Variants in ERBB4 observed in about 807,000 individuals in gnomAD.
ERBB4 encodes the protein receptor tyrosine-protein kinase erbB-4.
ERBB4 carries 42 observed loss-of-function variants against 158.0 expected under a neutral mutation model. That is an observed-to-expected ratio of 0.27 (90% CI 0.21 to 0.34). ERBB4 has a LOEUF of 0.34. ERBB4 is among the 10% of genes least tolerant of loss of function. ERBB4 has a pLI of 1.00. For missense variants in ERBB4, 1,333 were observed against 1,624.1 expected, an observed-to-expected ratio of 0.82 and a Z score of 3.08; for synonymous variants, 583 against 558.7, an observed-to-expected ratio of 1.04 and a Z score of -0.61.
chr2:211,505,117 A>G (rs769168760), intron 20 of ERBB4, among the ~76,000 whole-genome samples: 5 of 152,088 alleles, frequency 3.3e-5, no homozygotes, highest in Non-Finnish European at 7.4e-5. Flanking sequence ...GGAAGATACT[A>G]TATAAGATGA....
In ERBB4 at chr2:212,124,863, G is replaced by T; in HGVS notation, c.123C>A (p.Asp41Glu). The T allele has an allele frequency of 6.2e-7, 1 of 1,614,160 alleles. No individual in the cohort carries two copies. The highest frequency in any genetic ancestry group is 8.5e-7 in the Non-Finnish European group (1 of 1,180,016). ...GTENKLSSLS[D>E]LEQQYRALRK... ...GCAAGGCTCGGTACTGCTGTTCCAG[G>T]TCAGAGAGAGAGCTCAGTTTATTCT... Residue 41 changes from aspartate to glutamate, a missense_variant, in exon 2 of 28, where the codon GAC (aspartate) becomes GAA (glutamate). Physicochemically the swap from Asp to Glu is conservative, Grantham distance 45. Transcript: ENST00000342788.
chr2:211,704,953 G>C (rs577669789), intron 10 of ERBB4, among the ~76,000 whole-genome samples: 5 of 151,890 alleles, frequency 3.3e-5, no homozygotes, highest in Admixed American at 2.6e-4. Context: ...GTTTTGTTTT[G>C]TTTTGTTTTT....
intron 19 of ERBB4, among the ~76,000 whole-genome samples, chr2:211,600,554 A>G (rs977617516): frequency 6.6e-6 from 1 of 152,200 alleles, no homozygotes; most frequent in African/African-American, 2.4e-5. Context: ...TGAAAACAAG[A>G]ATAACAATTA....
chr2:211,417,315 A>C lies in ERBB4; in HGVS notation c.3135+3126T>G, dbSNP rs1317786130. 2.9e-5 allele frequency among the ~76,000 whole-genome samples: 4 copies of C among 138,854 alleles called. No individual in the cohort carries two copies. The East Asian group carries it at 6.9e-4, about 24-fold the overall frequency. The allele number at this position is 138,854 out of a possible 152,430, so 91.1% of individuals were successfully genotyped here. A position where few individuals can be genotyped will look rare whatever the true frequency, so the allele number is the denominator to read the frequency against. On this transcript the variant is annotated intron_variant, in intron 25 of 27. Coordinates refer to ENST00000342788, the MANE Select transcript of ERBB4 (RefSeq NM_005235.3). ...TAAGGAAACCCTGTCTCTACAAAAA[A>C]ATATAAAAAAAAATTAGCTGGGCAG... is the stretch of plus-strand genomic sequence containing the variant.
chr2:212,363,880 T>C (rs2089785446), intron 1 of ERBB4, among the ~76,000 whole-genome samples: 1 of 151,620 alleles, frequency 6.6e-6, no homozygotes, highest in Non-Finnish European at 1.5e-5. Context: ...CACTATAGAT[T>C]TGAACTTATG....
chr2:211,769,468 G>A (rs568583078), intron 4 of ERBB4, among the ~76,000 whole-genome samples: 16 of 152,240 alleles, frequency 1.1e-4, no homozygotes, highest in African/African-American at 3.1e-4. Context: ...ATTAGTCAGC[G>A]TTCTCTAGAG....
At chr2:212,424,014 A>G (rs1031917147) in intron 1 of ERBB4, among the ~76,000 whole-genome samples, 1 of 152,214 alleles carries the variant, frequency 6.6e-6, no homozygotes, top group Non-Finnish European at 1.5e-5. Context: ...ATTCTAAAAT[A>G]CAATCTACAA....
At chr2:212,313,239 C>T (rs916441953) in intron 1 of ERBB4, among the ~76,000 whole-genome samples, 12 of 150,556 alleles carry the variant, frequency 8.0e-5, no homozygotes, top group African/African-American at 2.7e-4. Context: ...TTGAAAAGAG[C>T]CAATAAACAT....
intron 3 of ERBB4, among the ~76,000 whole-genome samples, chr2:211,906,960 A>AG (rs1486591605): frequency 1.3e-5 from 2 of 151,676 alleles, no homozygotes; most frequent in African/African-American, 4.8e-5. Flanking sequence ...ATAAAGAGGC[A>AG]GTGGTGTGTA....
At position 211,844,117 on chromosome 2, in the gene ERBB4, T is replaced by C. The variant is rs73985895; in HGVS notation, c.422-55958A>G. Among the ~76,000 whole-genome samples, 574 of 135,460 alleles carry C rather than the reference T, an allele frequency of 4.2e-3. 4 individuals carry two copies. The highest frequency in any genetic ancestry group is 0.014 in the African/African-American group (522 of 36,846). 88.9% of individuals were successfully genotyped at this position (135,460 alleles called of 152,430 possible). A position where few individuals can be genotyped will look rare whatever the true frequency, so the allele number is the denominator to read the frequency against. Reference sequence around the variant, plus strand: ...TCCCTGGCTATTTCAAGTTCTATGTTAGTGTGAGAAATGAAAACACTAATT... The same window carrying C: ...TCCCTGGCTATTTCAAGTTCTATGTCAGTGTGAGAAATGAAAACACTAATT... On this transcript the variant is annotated intron_variant, in intron 3 of 27. Coordinates refer to ENST00000342788, the MANE Select transcript of ERBB4 (RefSeq NM_005235.3).
chr2:212,096,093 G>A (rs760506595), intron 2 of ERBB4, among the ~76,000 whole-genome samples: 2 of 151,984 alleles, frequency 1.3e-5, no homozygotes, highest in Non-Finnish European at 2.9e-5. Flanking sequence ...GACTCACACT[G>A]CAAACAATGT....
intron 5 of ERBB4, among the ~76,000 whole-genome samples, chr2:211,743,162 T>C (rs972390228): frequency 1.3e-5 from 2 of 152,176 alleles, no homozygotes; most frequent in Non-Finnish European, 2.9e-5. Flanking sequence ...CAAACTCACA[T>C]TTTTCAATCA....
intron 3 of ERBB4, among the ~76,000 whole-genome samples, chr2:211,864,021 T>G (rs768578559): frequency 2.6e-5 from 4 of 152,154 alleles, no homozygotes; most frequent in Admixed American, 2.6e-4. Flanking sequence ...GGTCCAGTCC[T>G]GCTGGCAGTA....
chr2:211,889,230 G>C (rs1202460349), intron 3 of ERBB4, among the ~76,000 whole-genome samples: 1 of 144,698 alleles, frequency 6.9e-6, no homozygotes, highest in Admixed American at 6.7e-5. Flanking sequence ...TCCTCAAGTG[G>C]GTCCCTGACC....
intron 25 of ERBB4, among the ~76,000 whole-genome samples, chr2:211,400,944 T>A (rs1345416642): frequency 6.6e-6 from 1 of 152,062 alleles, no homozygotes; most frequent in Non-Finnish European, 1.5e-5. Context: ...TAAAAATTTT[T>A]AAAAAGTTTA....
At chr2:211,393,708 AG>A (rs1308534611) in intron 25 of ERBB4, among the ~76,000 whole-genome samples, 2 of 151,754 alleles carry the variant, frequency 1.3e-5, no homozygotes, top group African/African-American at 4.8e-5. Flanking sequence ...TAAACTGGAA[AG>A]AAGGAAACTT....
chr2:211,993,840 A>C (rs868390778), intron 2 of ERBB4, among the ~76,000 whole-genome samples: 1 of 151,742 alleles, frequency 6.6e-6, no homozygotes, highest in Non-Finnish European at 1.5e-5. Context: ...AAGTACTTGC[A>C]TATCAGTGTT....
At chr2:211,836,249 T>A (rs1017077796) in intron 3 of ERBB4, among the ~76,000 whole-genome samples, 10 of 152,190 alleles carry the variant, frequency 6.6e-5, no homozygotes, top group Non-Finnish European at 1.3e-4. Context: ...CGGGTCTCAA[T>A]ATACAGTTTT....
chr2:212,137,352 A>C (rs2080304911), intron 1 of ERBB4, among the ~76,000 whole-genome samples: 1 of 152,026 alleles, frequency 6.6e-6, no homozygotes, highest in South Asian at 2.1e-4. Context: ...AATAGGCCCC[A>C]GTGTGTACTG....
Sources: gnomAD v4.1 joint callset for allele counts (sites outside exome capture counted in the v4.1 genomes callset) on GRCh38, gnomAD v4.1.1 for gene constraint, MANE v1.5 for transcripts, NCBI Gene and HGNC (gene_info 2026-07-23, HGNC 2026-07-21) for gene names.